The following R3HDM1 variants were observed in gnomAD, a reference collection of about 807,000 sequenced individuals.
The protein encoded by R3HDM1 is R3H domain-containing protein 1.
R3HDM1 carries 46 observed loss-of-function variants against 141.1 expected under a neutral mutation model. That is an observed-to-expected ratio of 0.33 (90% CI 0.26 to 0.42). The LOEUF is 0.42. R3HDM1 is among the 10% of genes least tolerant of loss of function. The pLI is 1.00. For synonymous variants in R3HDM1, 435 were observed against 472.9 expected (o/e 0.92, Z 1.04); for missense variants, 1,184 against 1,368.3 (o/e 0.87, Z 2.12).
chr2:135,680,080 G>GA, intron 20 of R3HDM1, 93 bp from the exon 21 acceptor site: 2 of 1,319,162 alleles, frequency 1.5e-6, no homozygotes, highest in East Asian at 2.3e-5. Flanking sequence ...AATTCATCTC[G>GA]AAAAAAATAA....
In R3HDM1 at chr2:135,686,848, G is replaced by A. The variant is rs557123473; in HGVS notation, c.2459+6524G>A. Among the ~76,000 whole-genome samples the A allele has an allele frequency of 5.9e-5, 9 of 152,314 alleles. No individual in the cohort carries two copies. In the South Asian group the frequency reaches 1.9e-3, roughly 32 times the overall value. On this transcript the variant is annotated intron_variant, in intron 21 of 26. Coordinates refer to ENST00000683871, the MANE Select transcript of R3HDM1 (RefSeq NM_001378107.1). ...ATGAACCTTGAGGACATTATGTTGA[G>A]TAAAATAAGCCAGTCACAGGACAAA...
chr2:135,599,638 GT>G (rs1323767430), intron 1 of R3HDM1, among the ~76,000 whole-genome samples: 1 of 152,088 alleles, frequency 6.6e-6, no homozygotes, highest in Non-Finnish European at 1.5e-5. Flanking sequence ...GGCTTCATGG[GT>G]TTACCAAAAA....
chr2:135,538,947 T>C (rs1696851311), intron 1 of R3HDM1, among the ~76,000 whole-genome samples: 1 of 152,010 alleles, frequency 6.6e-6, no homozygotes, highest in Non-Finnish European at 1.5e-5. Context: ...GTTGTTGTTG[T>C]TTTTCCTTTA....
chr2:135,669,358 T>C (rs1559390606), intron 19 of R3HDM1: 1 of 985,392 alleles, frequency 1.0e-6, no homozygotes, highest in Non-Finnish European at 1.2e-6. Flanking sequence ...CTCTGATTCC[T>C]ATTTTGAATA....
chr2:135,636,488 T>G (rs2063264435), intron 11 of R3HDM1, among the ~76,000 whole-genome samples: 1 of 152,190 alleles, frequency 6.6e-6, no homozygotes, highest in Non-Finnish European at 1.5e-5. Flanking sequence ...TGTGACAGAC[T>G]TGAGATTTTT....
At chr2:135,668,221 C>T (rs993806624) in intron 19 of R3HDM1, among the ~76,000 whole-genome samples, 9 of 152,046 alleles carry the variant, frequency 5.9e-5, no homozygotes, top group African/African-American at 1.9e-4. Flanking sequence ...AACATAGATC[C>T]CAGTTTTATT....
Position 135,542,658 on chromosome 2 carries a change from A to G in R3HDM1, c.-250+11025A>G, listed in dbSNP as rs1003051133. Among the ~76,000 whole-genome samples, 4 of 152,246 alleles carry G rather than the reference A, an allele frequency of 2.6e-5. No individual in the cohort carries two copies. The East Asian group carries it at 7.7e-4, about 29-fold the overall frequency. Reference sequence around the variant, plus strand: ...GATGAAATAAAAGATTTCATCCCCTATAATGACATACCAAGCATCAAACTG... The same window carrying G: ...GATGAAATAAAAGATTTCATCCCCTGTAATGACATACCAAGCATCAAACTG... On this transcript the variant is annotated intron_variant, in intron 1 of 26. Transcript: ENST00000683871.
intron 1 of R3HDM1, chr2:135,543,081 A>C: frequency 3.0e-6 from 3 of 984,016 alleles, no homozygotes; most frequent in Non-Finnish European, 3.6e-6. Flanking sequence ...GGAGATCAAA[A>C]GTAAAAGACC....
chr2:135,640,098 CAAAAAA>C (rs909774063), intron 14 of R3HDM1, among the ~76,000 whole-genome samples: 1 of 69,870 alleles, frequency 1.4e-5, no homozygotes, highest in East Asian at 4.1e-4. Context: ...GACTCCGTCT[CAAAAAA>C]AAAAAAAAAA....
chr2:135,580,292 T>A (rs1211105026), intron 1 of R3HDM1, among the ~76,000 whole-genome samples: 1 of 152,140 alleles, frequency 6.6e-6, no homozygotes, highest in Non-Finnish European at 1.5e-5. Flanking sequence ...AGGTACCAGG[T>A]ATCTATTGTT....
chr2:135,683,999 T>TACATACTC (rs573245713), intron 21 of R3HDM1, among the ~76,000 whole-genome samples: 2 of 151,778 alleles, frequency 1.3e-5, no homozygotes, highest in Non-Finnish European at 1.5e-5. Flanking sequence ...CATACATACA[T>TACATACTC]ACTCAAGCAC....
At chr2:135,554,795 A>G (rs1263210837) in intron 1 of R3HDM1, among the ~76,000 whole-genome samples, 1 of 152,194 alleles carries the variant, frequency 6.6e-6, no homozygotes, top group African/African-American at 2.4e-5. Flanking sequence ...TGACCATTTT[A>G]AGGAACCAAC....
Position 135,696,626 on chromosome 2 carries a change from G to A in R3HDM1, c.2460-12807G>A, listed in dbSNP as rs79883971. Among the ~76,000 whole-genome samples the A allele has an allele frequency of 0.011, 1,619 of 152,004 alleles. 99 individuals are homozygous for A. The East Asian group carries it at 0.19, about 18-fold the overall frequency. On this transcript the variant is annotated intron_variant, in intron 21 of 26. Transcript: ENST00000683871. ...CCTGCGTCAGCCTCCCAAGTAGCTGGGACTACAGGTGCACGCCACCACACC... is the reference window on the plus strand; with the variant it reads ...CCTGCGTCAGCCTCCCAAGTAGCTGAGACTACAGGTGCACGCCACCACACC...
At position 135,567,747 on chromosome 2, in the gene R3HDM1, G is replaced by T. The variant is rs376180858; in HGVS notation, c.-249-34753G>T. Reference sequence around the variant, plus strand: ...TTACCTTTGTTGTTTTTTTATTTTTGATTTTTTTTAGAGATAACGTCTCAC... The same window carrying T: ...TTACCTTTGTTGTTTTTTTATTTTTTATTTTTTTTAGAGATAACGTCTCAC... On this transcript the variant is annotated intron_variant, in intron 1 of 26. Transcript: ENST00000683871. 1.5e-4 allele frequency among the ~76,000 whole-genome samples: 23 copies of T among 151,126 alleles called. No homozygotes were observed. In the East Asian group the frequency reaches 4.3e-3, roughly 28 times the overall value.
intron 21 of R3HDM1, among the ~76,000 whole-genome samples, chr2:135,691,714 A>G (rs2072414726): frequency 6.6e-6 from 1 of 151,542 alleles, no homozygotes; most frequent in Admixed American, 6.6e-5. Context: ...AATAGCTTGA[A>G]CCTGGGAGGC....
chr2:135,537,137 T>A (rs1333135557), intron 1 of R3HDM1, among the ~76,000 whole-genome samples: 1 of 150,050 alleles, frequency 6.7e-6, no homozygotes, highest in Non-Finnish European at 1.5e-5. Context: ...TTTACTTTGT[T>A]ACCTTGCCCC....
chr2:135,590,305 A>C (rs1021180044), intron 1 of R3HDM1, among the ~76,000 whole-genome samples: 2 of 152,144 alleles, frequency 1.3e-5, no homozygotes, highest in African/African-American at 4.8e-5. Context: ...CAGATGTCAG[A>C]CTTCAGCTTG....
At chr2:135,581,785 C>A (rs1194999695) in intron 1 of R3HDM1, among the ~76,000 whole-genome samples, 1 of 152,106 alleles carries the variant, frequency 6.6e-6, no homozygotes, top group Admixed American at 6.5e-5. Context: ...ATTTTTCTTT[C>A]CCAGTTAACT....
intron 5 of R3HDM1, among the ~76,000 whole-genome samples, chr2:135,619,281 T>C (rs1574409768): frequency 6.6e-6 from 1 of 152,310 alleles, no homozygotes. Context: ...CCCTTGTTTT[T>C]TGTAGTGCAT....
Sources: allele counts gnomAD v4.1 joint callset (sites outside exome capture counted in the v4.1 genomes callset), GRCh38; gene constraint gnomAD v4.1.1; transcripts MANE v1.5; gene names NCBI Gene and HGNC (gene_info 2026-07-23, HGNC 2026-07-21).